The following MYH16 variants were observed in gnomAD, a reference collection of about 807,000 sequenced individuals.
MYH16 encodes the protein myosin heavy chain 16.
Position 99,281,091 on chromosome 7 carries a change from G to T in MYH16, n.2992+111G>T, listed in dbSNP as rs116893421. On this transcript the variant is annotated intron_variant and non_coding_transcript_variant, in intron 23 of 41. Coordinates refer to ENST00000439784, the Ensembl canonical transcript of MYH16. ...AAATCCTGGCCCTGCCGCCCCCTCA[G>T]CTTGGGGCCTTAGGGAAGTTAAGGA... is the stretch of plus-strand genomic sequence containing the variant. The T allele has an allele frequency of 3.0e-3, 598 of 199,204 alleles. 2 individuals carry two copies. Among genetic ancestry groups the T allele is most frequent in the Non-Finnish European group, 5.7e-3 (522 of 92,098 alleles). The allele number at this position is 199,204 out of a possible 1,614,324, so 12.3% of individuals were successfully genotyped here.
At chr7:99,260,586 T>C (rs547351809) in intron 12 of MYH16, 12 of 258,280 alleles carry the variant, frequency 4.6e-5, no homozygotes, top group Admixed American at 1.4e-4. Context: ...GGGGATACTT[T>C]TATTACACCC....
At chr7:99,290,037 G>T (rs117885067) in intron 30 of MYH16, among the ~76,000 whole-genome samples, 1 of 152,266 alleles carries the variant, frequency 6.6e-6, no homozygotes, top group Non-Finnish European at 1.5e-5. Context: ...CAGAAGCTGT[G>T]CTCTAATCAC....
At chr7:99,300,501 C>A (rs1053247641) in intron 37 of MYH16, among the ~76,000 whole-genome samples, 1 of 152,140 alleles carries the variant, frequency 6.6e-6, no homozygotes, top group Admixed American at 6.5e-5. Flanking sequence ...TTTTAGGTGT[C>A]CAAGAGTGGA....
At position 99,299,996 on chromosome 7, in the gene MYH16, GTCACCC is replaced by G. The variant is rs563848640; in HGVS notation, n.4933+339_4933+344del. Among the ~76,000 whole-genome samples, 527 of 148,808 alleles carry G rather than the reference GTCACCC, an allele frequency of 3.5e-3. 4 individuals carry two copies. The highest frequency in any genetic ancestry group is 0.012 in the African/African-American group (492 of 40,140). On this transcript the variant is annotated intron_variant and non_coding_transcript_variant, in intron 37 of 41. Coordinates refer to ENST00000439784, the Ensembl canonical transcript of MYH16. ...ATTTATTTGATGGAGTTTTGCTCTT[GTCACCC>G]AGGCTGGAGTGCAGTGGTGCAATCT...
At chr7:99,277,293 G>A (rs961698236) in intron 20 of MYH16, among the ~76,000 whole-genome samples, 3 of 152,150 alleles carry the variant, frequency 2.0e-5, no homozygotes, top group Non-Finnish European at 4.4e-5. Context: ...CAGGATTAAA[G>A]AGCATCCTAA....
intron 19 of MYH16, among the ~76,000 whole-genome samples, 92 bp downstream of exon 1, chr7:99,273,169 C>A (rs537102840): frequency 1.3e-5 from 2 of 152,198 alleles, no homozygotes; most frequent in Non-Finnish European, 2.9e-5. Flanking sequence ...CTGACCCCAA[C>A]GTGAGTCTCC....
At chr7:99,255,488 A>AAGGGAGGG (rs569062247) in intron 8 of MYH16, 1 of 138,654 alleles carries the variant, frequency 7.2e-6, no homozygotes, top group African/African-American at 2.6e-5. Flanking sequence ...GGAAAGAAGG[A>AAGGGAGGG]AGGGAGGGAG....
intron 12 of MYH16, chr7:99,261,013 G>GCC: frequency 6.6e-6 from 1 of 152,268 alleles, no homozygotes; most frequent in East Asian, 1.9e-4. Context: ...GTTGCAGTGA[G>GCC]CCGAGATTGT....
At chr7:99,247,596 C>A in exon 3 of MYH16, 1 of 181,118 alleles carries the variant, frequency 5.5e-6, no homozygotes, top group South Asian at 1.3e-4. Context: ...CCCACCAGAC[C>A]TACTCGGGCT....
At chr7:99,246,183 G>A (rs143024350) in intron 2 of MYH16, among the ~76,000 whole-genome samples, 272 of 149,836 alleles carry the variant, frequency 1.8e-3, no homozygotes, top group African/African-American at 4.7e-3. Context: ...TCCAGCCTGG[G>A]TGATAGAGCA....
chr7:99,287,737 C>A, intron 28 of MYH16, 155 bp from the exon 10 acceptor site: 1 of 358,150 alleles, frequency 2.8e-6, no homozygotes, highest in Non-Finnish European at 5.5e-6. Context: ...CTGTGGGCAA[C>A]CCCCACCCCC....
intron 23 of MYH16, 27 bp from the exon 6 acceptor site, chr7:99,283,538 C>G: frequency 2.2e-6 from 1 of 455,288 alleles, no homozygotes; most frequent in Non-Finnish European, 4.4e-6. Flanking sequence ...GGCCTCGTGG[C>G]ACTCACGTGT....
chr7:99,244,485 AG>A (rs1442169272), intron 2 of MYH16, among the ~76,000 whole-genome samples: 2 of 152,206 alleles, frequency 1.3e-5, no homozygotes, highest in Non-Finnish European at 2.9e-5. Context: ...TTAAAAGGAA[AG>A]AGGCTTATCT....
At chr7:99,249,769 C>G (rs1044946745) in intron 4 of MYH16, among the ~76,000 whole-genome samples, 5 of 151,778 alleles carry the variant, frequency 3.3e-5, no homozygotes, top group African/African-American at 4.8e-5. Context: ...GTTGGCCAGG[C>G]TGGTCTCGAA....
At chr7:99,277,847 G>C in intron 21 of MYH16, 135 bp downstream of exon 3, 1 of 357,930 alleles carries the variant, frequency 2.8e-6, no homozygotes, top group Non-Finnish European at 5.5e-6. Flanking sequence ...AGTCACCCTC[G>C]ACCCAACTTC....
chr7:99,242,980 ACGT>A (rs1242802478), intron 1 of MYH16, among the ~76,000 whole-genome samples: 2 of 152,132 alleles, frequency 1.3e-5, no homozygotes, highest in African/African-American at 4.8e-5. Context: ...TAGGGAGGGA[ACGT>A]CATAGTTTTT....
In MYH16 at chr7:99,293,829, GTGTT is replaced by G. The variant is rs767358213; in HGVS notation, n.4150-184_4150-181del. ...CCTTGACGCAGGGTAGAGAAAGTAAGTGTTTGTTGAATGAATAAATGAGAGAGTG... is the reference window on the plus strand; with the variant it reads ...CCTTGACGCAGGGTAGAGAAAGTAAGTGTTGAATGAATAAATGAGAGAGTG... On this transcript the variant is annotated intron_variant and non_coding_transcript_variant, in intron 32 of 41. Coordinates refer to ENST00000439784, the Ensembl canonical transcript of MYH16. Among the ~76,000 whole-genome samples, 61 of 151,564 alleles carry G rather than the reference GTGTT, an allele frequency of 4.0e-4. No homozygotes were observed. In the South Asian group the frequency reaches 5.2e-3, roughly 13 times the overall value.
chr7:99,310,520 GC>G, downstream of MYH16, among the ~76,000 whole-genome samples: 1 of 152,282 alleles, frequency 6.6e-6, no homozygotes, highest in East Asian at 1.9e-4. Flanking sequence ...GGCACATTAT[GC>G]CCAAAGGTGT....
intron 21 of MYH16, 56 bp downstream of exon 3, chr7:99,277,768 A>T: frequency 2.5e-6 from 1 of 398,350 alleles, no homozygotes; most frequent in Non-Finnish European, 5.0e-6. Flanking sequence ...GGACCCTGGG[A>T]GGGAGGAAGG....
Sources: allele counts gnomAD v4.1 joint callset (sites outside exome capture counted in the v4.1 genomes callset), GRCh38; gene constraint gnomAD v4.1.1; transcripts MANE v1.5; gene names NCBI Gene and HGNC (gene_info 2026-07-23, HGNC 2026-07-21).